The following JAZF1 variants were observed in gnomAD, a reference collection of about 807,000 sequenced individuals.
The protein encoded by JAZF1 is juxtaposed with another zinc finger protein 1.
Under a neutral mutation model 26.4 loss-of-function variants are expected in JAZF1, and 8 were observed. The ratio of observed to expected loss-of-function variants is 0.30; its 90% CI spans 0.18 to 0.55. The LOEUF (loss-of-function observed/expected upper bound fraction) is 0.55. JAZF1 is among the 20% of genes least tolerant of loss of function. JAZF1 has a pLI of 0.94. For synonymous variants in JAZF1, 126 were observed against 122.3 expected (o/e 1.03, Z -0.20); for missense variants, 199 against 322.0 (o/e 0.62, Z 2.92).
At chr7:27,962,877 G>A (rs191928686) in intron 2 of JAZF1, among the ~76,000 whole-genome samples, 1 of 152,322 alleles carries the variant, frequency 6.6e-6, no homozygotes, top group Admixed American at 6.5e-5. Flanking sequence ...TCCTACATAT[G>A]CCTTTCTGAA....
chr7:28,048,019 G>A (rs997610631), intron 1 of JAZF1, among the ~76,000 whole-genome samples: 3 of 152,134 alleles, frequency 2.0e-5, no homozygotes, highest in African/African-American at 7.2e-5. Flanking sequence ...AACAAAATCT[G>A]TCCCTAGTAT....
chr7:27,862,036 GGCAGCTGCCTGGCCTCGCAGAGTT>G (rs1783391098), intron 3 of JAZF1, among the ~76,000 whole-genome samples: 1 of 152,218 alleles, frequency 6.6e-6, no homozygotes, highest in African/African-American at 2.4e-5. Context: ...CGGGAGGGAT[GGCAGCTGCCTGGCCTCGCAGAGTT>G]AGGGAGGATA....
intron 3 of JAZF1, among the ~76,000 whole-genome samples, chr7:27,856,827 G>A (rs13224500): frequency 0.16 from 24,470 of 152,224 alleles, 2,156 homozygotes; most frequent in South Asian, 0.23. Context: ...ACTAGATAGA[G>A]AGTGCTGATT....
rs184289351 is a variant in JAZF1, at chr7:28,014,158, T to C, written c.116-22177A>G. Among the ~76,000 whole-genome samples, 86 of 152,208 alleles carry C rather than the reference T, an allele frequency of 5.7e-4. 1 individual carries two copies. The highest frequency in any genetic ancestry group is 5.0e-3 in the South Asian group (24 of 4,824). ...TGGGGGTGGGGAATGCATGCTCTCT[T>C]TACTGCCAGTTAAGAGATTTCTTTC... On this transcript the variant is annotated intron_variant, in intron 1 of 4. Coordinates refer to ENST00000283928, the MANE Select transcript of JAZF1 (RefSeq NM_175061.4).
intron 3 of JAZF1, among the ~76,000 whole-genome samples, chr7:27,850,676 T>A (rs868268586): frequency 9.2e-5 from 14 of 152,332 alleles, no homozygotes; most frequent in East Asian, 1.9e-4. Context: ...TAATCTTTTT[T>A]AAAAAATTAC....
intron 1 of JAZF1, among the ~76,000 whole-genome samples, chr7:28,030,303 G>GA (rs2128374771): frequency 6.6e-6 from 1 of 152,328 alleles, no homozygotes; most frequent in African/African-American, 2.4e-5. Context: ...ACAGGAGTAA[G>GA]AGATAAACAG....
intron 1 of JAZF1, among the ~76,000 whole-genome samples, chr7:28,160,933 A>T (rs1783274995): frequency 6.6e-6 from 1 of 152,192 alleles, no homozygotes; most frequent in Non-Finnish European, 1.5e-5. Flanking sequence ...ATAGAACCAC[A>T]GCATTTTTTG....
chr7:28,057,628 A>AT (rs1417543298), intron 1 of JAZF1, among the ~76,000 whole-genome samples: 1 of 152,118 alleles, frequency 6.6e-6, no homozygotes, highest in African/African-American at 2.4e-5. Flanking sequence ...AACTTAAGAG[A>AT]TTTTTTACTC....
intron 4 of JAZF1, among the ~76,000 whole-genome samples, chr7:27,837,380 G>A (rs1285318646): frequency 6.6e-6 from 1 of 152,238 alleles, no homozygotes; most frequent in Non-Finnish European, 1.5e-5. Context: ...AGGATACAAA[G>A]GAAAAGAATC....
At chr7:28,154,863 A>G (rs990405899) in intron 1 of JAZF1, among the ~76,000 whole-genome samples, 1 of 152,138 alleles carries the variant, frequency 6.6e-6, no homozygotes, top group African/African-American at 2.4e-5. Context: ...ATAGAAGGAA[A>G]AAATGGCCTT....
intron 1 of JAZF1, among the ~76,000 whole-genome samples, chr7:28,088,256 T>A (rs2127919969): frequency 6.6e-6 from 1 of 152,358 alleles, no homozygotes; most frequent in Non-Finnish European, 1.5e-5. Context: ...TCATCACTTT[T>A]AAAACTGCAA....
At chr7:28,036,425 T>G (rs1431833777) in intron 1 of JAZF1, among the ~76,000 whole-genome samples, 1 of 152,252 alleles carries the variant, frequency 6.6e-6, no homozygotes, top group Non-Finnish European at 1.5e-5. Context: ...TGAAGTTGTT[T>G]TCCTTGTTTA....
At chr7:27,861,540 C>CT (rs1469834794) in intron 3 of JAZF1, among the ~76,000 whole-genome samples, 1 of 126,290 alleles carries the variant, frequency 7.9e-6, no homozygotes, top group Admixed American at 8.4e-5. Context: ...CCAAAGACTA[C>CT]TTTTTTTATT....
At chr7:27,948,172 C>G (rs1294256179) in intron 2 of JAZF1, among the ~76,000 whole-genome samples, 1 of 152,032 alleles carries the variant, frequency 6.6e-6, no homozygotes, top group Non-Finnish European at 1.5e-5. Flanking sequence ...AAATCACAGG[C>G]TGGGCAGAGA....
intron 1 of JAZF1, among the ~76,000 whole-genome samples, chr7:28,091,677 G>C (rs1784300500): frequency 6.6e-6 from 1 of 150,966 alleles, no homozygotes; most frequent in Non-Finnish European, 1.5e-5. Flanking sequence ...CATGCAGAGA[G>C]AGAGAGAGAG....
chr7:28,137,068 G>A lies in JAZF1; in HGVS notation c.115+43395C>T, dbSNP rs371764779. Among the ~76,000 whole-genome samples the A allele has an allele frequency of 1.4e-4, 21 of 152,306 alleles. No homozygotes were observed. In the East Asian group the frequency reaches 1.5e-3, roughly 11 times the overall value. ...CTAGGCATCCTGATACCATCTTACC[G>A]AGGCAGCTGGGGCACTGGAAAGCAG... On this transcript the variant is annotated intron_variant, in intron 1 of 4. Coordinates refer to ENST00000283928, the MANE Select transcript of JAZF1 (RefSeq NM_175061.4).
intron 3 of JAZF1, chr7:27,844,516 C>G (rs1347987830): frequency 1.3e-5 from 2 of 152,204 alleles, no homozygotes; most frequent in Non-Finnish European, 1.5e-5. Flanking sequence ...CCCTCCCAAG[C>G]TTTTACTCCT....
intron 1 of JAZF1, among the ~76,000 whole-genome samples, chr7:28,001,073 G>A (rs1219127108): frequency 1.3e-5 from 2 of 152,014 alleles, no homozygotes; most frequent in East Asian, 3.9e-4. Context: ...CAATAATCTG[G>A]CCGGGCGCAG....
chr7:27,879,433 G>A (rs1195458335), intron 3 of JAZF1, among the ~76,000 whole-genome samples: 1 of 152,148 alleles, frequency 6.6e-6, no homozygotes, highest in East Asian at 1.9e-4. Context: ...CAAGCATCAT[G>A]AACAGAGAGG....
Sources: gnomAD v4.1 joint callset for allele counts (sites outside exome capture counted in the v4.1 genomes callset) on GRCh38, gnomAD v4.1.1 for gene constraint, MANE v1.5 for transcripts, NCBI Gene and HGNC (gene_info 2026-07-23, HGNC 2026-07-21) for gene names.